ZNF430: variants seen among roughly 807,000 people sequenced by gnomAD.
ZNF430 encodes zinc finger protein 430.
Under a neutral mutation model 56.7 loss-of-function variants are expected in ZNF430, and 35 were observed. That is an observed-to-expected ratio of 0.62 (90% CI 0.47 to 0.82). The LOEUF is 0.82. Ranked by LOEUF, ZNF430 falls within the 40% of genes least tolerant of loss-of-function variation. The pLI is 0.00. For synonymous variants in ZNF430, 212 were observed against 224.3 expected (o/e 0.94, Z 0.49); for missense variants, 574 against 661.0 (o/e 0.87, Z 1.44).
chr19:21,056,075 C>T (rs1968370325), intron 4 of ZNF430, among the ~76,000 whole-genome samples: 1 of 152,188 alleles, frequency 6.6e-6, no homozygotes, highest in African/African-American at 2.4e-5. Flanking sequence ...TTCTGTGTCA[C>T]TCTCTATGTT....
intron 4 of ZNF430, chr19:21,036,309 C>G: frequency 6.5e-6 from 1 of 154,796 alleles, no homozygotes; most frequent in Non-Finnish European, 1.4e-5. Context: ...GTTGTTTTAT[C>G]TCACCTAAGT....
chr19:21,041,589 CT>C (rs1968103375), intron 4 of ZNF430, among the ~76,000 whole-genome samples: 1 of 152,172 alleles, frequency 6.6e-6, no homozygotes, highest in Non-Finnish European at 1.5e-5. Context: ...TGGTGGTTTA[CT>C]GCACCTATCA....
chr19:21,034,087 A>G lies in ZNF430; in HGVS notation c.225A>G (p.Ala75=). The G allele has an allele frequency of 6.2e-7, 1 of 1,610,768 alleles. No individual in the cohort carries two copies. Among genetic ancestry groups the G allele is most frequent in the Non-Finnish European group, 8.5e-7 (1 of 1,177,052 alleles). The change falls in exon 4 of 5, where the codon GCA becomes GCG. Residue 75 remains alanine (A), a splice_region_variant and synonymous_variant. Transcript: ENST00000261560. Reference sequence around the variant, plus strand: ...TCATGTTATTTATTTTCAATAAAGCAGGTATTGCTGTTTCTAAGCCAGACC... The same window carrying G: ...TCATGTTATTTATTTTCAATAAAGCGGGTATTGCTGTTTCTAAGCCAGACC... ...LENYRNLVFL[A]GIAVSKPDLI...
chr19:21,022,426 C>T (rs2358792), intron 1 of ZNF430, among the ~76,000 whole-genome samples: 104,987 of 152,014 alleles, frequency 0.69, 40,190 homozygotes, highest in East Asian at 0.87. Context: ...TTTTTTACAC[C>T]GTATTTTAAT....
chr19:21,020,708 TC>T lies in ZNF430; in HGVS notation c.-92del, dbSNP rs1974280427. 13 of 1,562,240 alleles carry T rather than the reference TC, an allele frequency of 8.3e-6. No individual in the cohort carries two copies. The highest frequency in any genetic ancestry group is 1.1e-5 in the Non-Finnish European group (13 of 1,135,050). On this transcript the variant is annotated 5_prime_UTR_variant, in exon 1 of 5. Transcript: ENST00000261560. ...GTCTCGTCTTCAGCGCTCTGTGTCCTCTGCTCCTAGAGGTCCAGGCTCTGTG... is the reference window on the plus strand; with the variant it reads ...GTCTCGTCTTCAGCGCTCTGTGTCCTTGCTCCTAGAGGTCCAGGCTCTGTG...
chr19:21,051,640 C>T (rs1024513014), intron 4 of ZNF430, among the ~76,000 whole-genome samples: 20 of 152,194 alleles, frequency 1.3e-4, no homozygotes, highest in African/African-American at 4.3e-4. Context: ...ACTACAGGCT[C>T]GTACCACCAA....
intron 2 of ZNF430, among the ~76,000 whole-genome samples, chr19:21,030,546 TC>T (rs1304629962): frequency 9.9e-5 from 15 of 151,436 alleles, no homozygotes; most frequent in Admixed American, 1.3e-4. Flanking sequence ...TTCTGTTTGT[TC>T]TGTAAACTTT....
chr19:21,022,975 A>T, intron 2 of ZNF430, 94 bp downstream of exon 2: 1 of 901,174 alleles, frequency 1.1e-6, no homozygotes, highest in Non-Finnish European at 1.8e-6. Flanking sequence ...TGTGGCATTG[A>T]GGGGAAAACA....
At chr19:21,052,034 A>T (rs879698576) in intron 4 of ZNF430, among the ~76,000 whole-genome samples, 4 of 152,182 alleles carry the variant, frequency 2.6e-5, no homozygotes, top group Non-Finnish European at 5.9e-5. Context: ...ATTGAGCAGT[A>T]TGGACGTCTT....
At chr19:21,020,877 G>A (rs376239873) in intron 1 of ZNF430, 74 bp downstream of exon 1, 325 of 1,598,410 alleles carry the variant, frequency 2.0e-4, no homozygotes, top group Non-Finnish European at 2.6e-4. Context: ...GCTGTGGCGG[G>A]ACTCAGGCCT....
intron 4 of ZNF430, among the ~76,000 whole-genome samples, chr19:21,050,187 CT>C (rs974869515): frequency 2.2e-5 from 1 of 46,166 alleles, no homozygotes; most frequent in Non-Finnish European, 1.0e-4. Flanking sequence ...CCCAGCCCCC[CT>C]ATATTCTTCT....
At position 21,057,023 on chromosome 19, in the gene ZNF430, G is replaced by C; in HGVS notation, c.715G>C (p.Gly239Arg). The C allele has an allele frequency of 6.2e-7, 1 of 1,613,996 alleles. No homozygotes were observed. The highest frequency in any genetic ancestry group is 8.5e-7 in the Non-Finnish European group (1 of 1,179,980). ...AAATTCTTACCAATGTGAAGAATGT[G>C]GTAAAGTCTTTAACTGGTTCTCAAC... ...RENSYQCEEC[G>R]KVFNWFSTLT... The change falls in exon 5 of 5, where the codon GGT (glycine) becomes CGT (arginine). Residue 239 changes from glycine to arginine, a missense_variant. This residue lies in a region of ZNF430 where 346 missense variants were observed against 399.1 expected (regional missense o/e 0.87). Coordinates refer to ENST00000261560, the MANE Select transcript of ZNF430 (RefSeq NM_025189.4).
chr19:21,052,571 C>CT (rs772227271), intron 4 of ZNF430, among the ~76,000 whole-genome samples: 1 of 152,096 alleles, frequency 6.6e-6, no homozygotes, highest in Non-Finnish European at 1.5e-5. Context: ...TGTTTAATGT[C>CT]TTTGTCTCTT....
At chr19:21,024,830 A>G (rs1599488146) in intron 2 of ZNF430, among the ~76,000 whole-genome samples, 1 of 152,036 alleles carries the variant, frequency 6.6e-6, no homozygotes, top group East Asian at 1.9e-4. Context: ...GGGTGAAATA[A>G]TCAGATTTTA....
At chr19:21,030,149 G>A (rs1008566512) in intron 2 of ZNF430, among the ~76,000 whole-genome samples, 4 of 152,052 alleles carry the variant, frequency 2.6e-5, no homozygotes, top group Non-Finnish European at 4.4e-5. Flanking sequence ...CTTGTTTTCT[G>A]TTTCTGCCAA....
intron 2 of ZNF430, among the ~76,000 whole-genome samples, chr19:21,023,723 TTCTC>T (rs150523310): frequency 0.01 from 1,571 of 152,298 alleles, 22 homozygotes; most frequent in African/African-American, 0.036. Context: ...AAACATGAGT[TTCTC>T]TCTCTGCAGG....
chr19:21,026,937 C>T lies in ZNF430; in HGVS notation c.96+4056C>T, dbSNP rs532254483. Among the ~76,000 whole-genome samples the T allele has an allele frequency of 1.2e-4, 17 of 138,918 alleles. No homozygotes were observed. The South Asian group carries it at 3.8e-3, about 31-fold the overall frequency. The allele number at this position is 138,918 out of a possible 152,430, so 91.1% of individuals were successfully genotyped here. A position where few individuals can be genotyped will look rare whatever the true frequency, so the allele number is the denominator to read the frequency against. ...CTCCGCCTCCCAGGTTGAAGCGATTCTCCTGCCTCAGCCTCCTGAGTAGCT... is the reference window on the plus strand; with the variant it reads ...CTCCGCCTCCCAGGTTGAAGCGATTTTCCTGCCTCAGCCTCCTGAGTAGCT... On this transcript the variant is annotated intron_variant, in intron 2 of 4. Coordinates refer to ENST00000261560, the MANE Select transcript of ZNF430 (RefSeq NM_025189.4).
intron 2 of ZNF430, among the ~76,000 whole-genome samples, chr19:21,032,225 A>C (rs1487059603): frequency 6.6e-6 from 1 of 152,226 alleles, no homozygotes; most frequent in Non-Finnish European, 1.5e-5. Context: ...GTTCTGAAAA[A>C]AATTATTAGG....
At chr19:21,041,749 C>T (rs1236278489) in intron 4 of ZNF430, among the ~76,000 whole-genome samples, 2 of 152,094 alleles carry the variant, frequency 1.3e-5, no homozygotes, top group Admixed American at 6.5e-5. Flanking sequence ...GAGTCTTGCT[C>T]TGTCGCCAGG....
Sources: gnomAD v4.1 joint callset for allele counts (sites outside exome capture counted in the v4.1 genomes callset) on GRCh38, gnomAD v4.1.1 for gene constraint, gnomAD v4.1.1 regional missense constraint, MANE v1.5 for transcripts, NCBI Gene and HGNC (gene_info 2026-07-23, HGNC 2026-07-21) for gene names.